The following DPP6 variants were observed in gnomAD, a reference collection of about 807,000 sequenced individuals.
DPP6 encodes the protein dipeptidyl peptidase like 6, also known as A-type potassium channel modulatory protein DPP6.
Under a neutral mutation model 122.6 loss-of-function variants are expected in DPP6, and 69 were observed. The observed-to-expected ratio is 0.56, with a 90% CI of 0.46 to 0.69. DPP6 has a LOEUF of 0.69. DPP6 is among the 30% of genes least tolerant of loss of function. The probability of loss-of-function intolerance (pLI) is 0.00; values close to 1 mark genes in which losing one functional copy is unlikely to be tolerated. For missense variants in DPP6, 928 were observed against 1,116.9 expected (o/e 0.83, Z 2.41); for synonymous variants, 418 against 433.1 (o/e 0.97, Z 0.43).
rs115262769 is a variant in DPP6, at chr7:154,794,315, C to T, written c.1260+113C>T. 2,372 of 1,368,722 alleles carry T rather than the reference C, an allele frequency of 1.7e-3. 34 individuals carry two copies. In the African/African-American group the frequency reaches 0.032, roughly 18 times the overall value. 84.8% of individuals were successfully genotyped at this position (1,368,722 alleles called of 1,614,324 possible). A position where few individuals can be genotyped will look rare whatever the true frequency, so the allele number is the denominator to read the frequency against. ...TCGGGCCTGGGACTTGGGGACCGGC[C>T]GCCCAGCTGCTGCGGGGAGCCCGCG... On this transcript the variant is annotated intron_variant, in intron 11 of 25. Coordinates refer to ENST00000377770, the MANE Select transcript of DPP6 (RefSeq NM_130797.4).
intron 1 of DPP6, among the ~76,000 whole-genome samples, chr7:153,933,757 C>T (rs1185624837): frequency 6.6e-6 from 1 of 152,106 alleles, no homozygotes; most frequent in East Asian, 1.9e-4. Context: ...CTCCCCTTCC[C>T]TTTTAGTTCC....
At chr7:153,826,923 G>C in the DPP6 span, among the ~76,000 whole-genome samples, 1 of 152,150 alleles carries the variant, frequency 6.6e-6, no homozygotes, top group South Asian at 2.1e-4. Flanking sequence ...GGGTGTAAAA[G>C]TGAAAATGTA....
chr7:154,639,128 T>A (rs377446775), intron 6 of DPP6, among the ~76,000 whole-genome samples: 2 of 152,310 alleles, frequency 1.3e-5, no homozygotes, highest in South Asian at 2.1e-4. Context: ...TCTACTCAGC[T>A]TAGAATACAG....
intron 1 of DPP6, among the ~76,000 whole-genome samples, chr7:154,395,920 GTTCTC>G (rs1306316620): frequency 2.1e-5 from 3 of 144,000 alleles, no homozygotes; most frequent in Non-Finnish European, 3.0e-5. Context: ...TTTTGAGGTA[GTTCTC>G]TTCTATTTCT....
Position 154,663,340 on chromosome 7 carries a change from C to T in DPP6, c.681-6020C>T, listed in dbSNP as rs1233335702. 4.2e-5 allele frequency among the ~76,000 whole-genome samples: 2 copies of T among 47,740 alleles called. 1 individual carries two copies. The allele number at this position is 47,740 out of a possible 152,430, so 31.3% of individuals were successfully genotyped here. ...ATAGAGTCATGGTGAATCACCATGG[C>T]GTATTGGCCATAGTGTTCATGTAGT... is the stretch of plus-strand genomic sequence containing the variant. On this transcript the variant is annotated intron_variant, in intron 6 of 25. Transcript: ENST00000377770.
rs551919892 is a variant in DPP6 at position 154,062,728 on chromosome 7, G to A, written c.243+9665G>A. On this transcript the variant is annotated intron_variant, in intron 1 of 25. Transcript: ENST00000377770. ...CTGGCTGTTGGTACCCCCATCGTAGGGGGGGGGAGGCACCCTCCGCGAGGC... is the reference window on the plus strand; with the variant it reads ...CTGGCTGTTGGTACCCCCATCGTAGAGGGGGGGAGGCACCCTCCGCGAGGC... 2.0e-4 allele frequency among the ~76,000 whole-genome samples: 11 copies of A among 55,936 alleles called. 4 individuals are homozygous for A. Among genetic ancestry groups the A allele is most frequent in the Admixed American group, 1.9e-3 (11 of 5,680 alleles). The allele number at this position is 55,936 out of a possible 152,430, so 36.7% of individuals were successfully genotyped here.
At chr7:154,338,036 G>A (rs1285655499) in intron 1 of DPP6, among the ~76,000 whole-genome samples, 4 of 152,198 alleles carry the variant, frequency 2.6e-5, no homozygotes, top group Non-Finnish European at 4.4e-5. Flanking sequence ...TTGCCTTCTC[G>A]CAGATTGTTT....
At chr7:154,560,290 T>C (rs79376903) in intron 4 of DPP6, among the ~76,000 whole-genome samples, 5,961 of 152,320 alleles carry the variant, frequency 0.039, 170 homozygotes, top group South Asian at 0.063. Flanking sequence ...TGTAATCTCA[T>C]GTAAGACTTC....
At chr7:154,764,018 C>T (rs1795743174) in intron 8 of DPP6, among the ~76,000 whole-genome samples, 1 of 151,834 alleles carries the variant, frequency 6.6e-6, no homozygotes. Context: ...ATCTGCACCA[C>T]ACCTGAGCTC....
At chr7:154,421,941 C>T (rs556851316) in intron 1 of DPP6, among the ~76,000 whole-genome samples, 2 of 152,262 alleles carry the variant, frequency 1.3e-5, no homozygotes, top group Non-Finnish European at 2.9e-5. Flanking sequence ...ATAGAAAGCA[C>T]ATTTGAAACA....
the DPP6 span, among the ~76,000 whole-genome samples, chr7:153,881,131 C>T: frequency 2.6e-5 from 4 of 152,226 alleles, no homozygotes; most frequent in African/African-American, 9.6e-5. Context: ...TTCGTTTGTT[C>T]GAGAAACATG....
rs1177327526 is a variant in DPP6 at position 154,863,470 on chromosome 7, C to T, written c.1715-4525C>T. 6.6e-6 allele frequency among the ~76,000 whole-genome samples: 1 copy of T among 151,848 alleles called. No individual in the cohort carries two copies. The highest frequency in any genetic ancestry group is 6.6e-5 in the Admixed American group (1 of 15,250). On this transcript the variant is annotated intron_variant, in intron 17 of 25. Coordinates refer to ENST00000377770, the MANE Select transcript of DPP6 (RefSeq NM_130797.4). This position sits in a 1 kb window ranked among gnomAD's most constrained non-coding sequence, Gnocchi z 4.1. Reference sequence around the variant, plus strand: ...TCCAGAGCTCAAGCTGTCCTCCCACCTCAGCCTCCTGAGTAACTGGGACCA... The same window carrying T: ...TCCAGAGCTCAAGCTGTCCTCCCACTTCAGCCTCCTGAGTAACTGGGACCA...
At chr7:154,064,566 G>A (rs558905179) in intron 1 of DPP6, among the ~76,000 whole-genome samples, 1 of 152,156 alleles carries the variant, frequency 6.6e-6, no homozygotes, top group African/African-American at 2.4e-5. Flanking sequence ...AAGACCAGAG[G>A]CTGTGGGACT....
At chr7:154,124,621 GA>G (rs1242101372) in intron 1 of DPP6, among the ~76,000 whole-genome samples, 1 of 152,248 alleles carries the variant, frequency 6.6e-6, no homozygotes, top group East Asian at 1.9e-4. Context: ...ACAATATATA[GA>G]ATTTCCTGAT....
intron 1 of DPP6, among the ~76,000 whole-genome samples, chr7:154,059,896 A>C (rs1226400389): frequency 6.6e-6 from 1 of 151,818 alleles, no homozygotes; most frequent in Non-Finnish European, 1.5e-5. Context: ...CTGCCCTGCT[A>C]GTACAAGAAG....
intron 7 of DPP6, among the ~76,000 whole-genome samples, chr7:154,717,615 G>A (rs969433421): frequency 2.0e-5 from 3 of 152,074 alleles, no homozygotes; most frequent in Non-Finnish European, 4.4e-5. Flanking sequence ...TTGTATACAT[G>A]CATACCACAT....
intron 1 of DPP6, among the ~76,000 whole-genome samples, chr7:154,244,664 G>T (rs1422795065): frequency 6.6e-6 from 1 of 152,010 alleles, no homozygotes; most frequent in Non-Finnish European, 1.5e-5. Context: ...GATGCACATT[G>T]TAATCCCTAG....
At chr7:154,214,704 C>G (rs1023259345) in intron 1 of DPP6, among the ~76,000 whole-genome samples, 1 of 152,140 alleles carries the variant, frequency 6.6e-6, no homozygotes, top group African/African-American at 2.4e-5. Context: ...ATTGCTTGAG[C>G]CTAAGAGTTC....
At chr7:154,683,637 G>A (rs1011327260) in intron 7 of DPP6, among the ~76,000 whole-genome samples, 3 of 152,064 alleles carry the variant, frequency 2.0e-5, no homozygotes, top group African/African-American at 7.3e-5. Context: ...ATTTTCCCAT[G>A]TAAAATCCTT....
Sources: gnomAD v4.1 joint callset for allele counts (sites outside exome capture counted in the v4.1 genomes callset) on GRCh38, gnomAD v4.1.1 for gene constraint, Gnocchi (gnomAD v3.1) non-coding constraint, MANE v1.5 for transcripts, NCBI Gene and HGNC (gene_info 2026-07-23, HGNC 2026-07-21) for gene names.